The following NECTIN4 variants were observed in gnomAD, a reference collection of about 807,000 sequenced individuals.
NECTIN4 encodes the protein nectin-4.
A neutral mutation model predicts 51.7 loss-of-function variants in NECTIN4; 19 were observed. That is an observed-to-expected ratio of 0.37 (90% CI 0.26 to 0.54). The LOEUF is 0.54. NECTIN4 is among the 20% of genes least tolerant of loss of function. NECTIN4 has a pLI of 0.86. For synonymous variants in NECTIN4, 283 were observed against 286.9 expected, an observed-to-expected ratio of 0.99 and a Z score of 0.14; for missense variants, 619 against 662.4, an observed-to-expected ratio of 0.93 and a Z score of 0.72.
intron 3 of NECTIN4, 140 bp from the exon 4 acceptor site, chr1:161,076,615 C>G: frequency 8.6e-7 from 1 of 1,160,204 alleles, no homozygotes; most frequent in Non-Finnish European, 1.3e-6. Flanking sequence ...GCTGCCAAAC[C>G]TAGCTCAGCC....
At chr1:161,077,306 C>T in intron 3 of NECTIN4, 147 bp downstream of exon 3, 1 of 864,120 alleles carries the variant, frequency 1.2e-6, no homozygotes, top group Non-Finnish European at 2.0e-6. Context: ...TCCAGGTCTT[C>T]CACATTTGGA....
At chr1:161,088,507 G>A (rs938424671) in intron 1 of NECTIN4, among the ~76,000 whole-genome samples, 1 of 152,004 alleles carries the variant, frequency 6.6e-6, no homozygotes, top group African/African-American at 2.4e-5. Context: ...AGAAAATGGG[G>A]GAACAGGAGA....
chr1:161,079,517 T>A (rs1653567385), intron 2 of NECTIN4, 73 bp downstream of exon 2: 1 of 1,572,136 alleles, frequency 6.4e-7, no homozygotes, highest in Admixed American at 1.7e-5. Context: ...GCCCCATCCA[T>A]CTCTGCAGTC....
rs746014173 is a variant in NECTIN4, at chr1:161,079,630, G to A, written c.399C>T (p.Pro133=). ...GCAGCCGCGCCTGGAAGCTGCCGGCGGGGAAGGTGCTGACCCGGCACTCGT... is the reference window on the plus strand; with the variant it reads ...GCAGCCGCGCCTGGAAGCTGCCGGCAGGGAAGGTGCTGACCCGGCACTCGT... ...GEYECRVSTF[P]AGSFQARLRL... The change falls in exon 2 of 9, where the codon CCC becomes CCT. Residue 133 remains proline, a synonymous_variant. Coordinates refer to ENST00000368012, the MANE Select transcript of NECTIN4 (RefSeq NM_030916.3). 7 of 1,605,302 alleles carry A rather than the reference G, an allele frequency of 4.4e-6. No individual in the cohort carries two copies. Among genetic ancestry groups the A allele is most frequent in the Middle Eastern group, 1.7e-4 (1 of 6,060 alleles).
In NECTIN4 at chr1:161,079,718, G is replaced by T. The variant is rs769456475; in HGVS notation, c.311C>A (p.Pro104Gln). 6 of 1,609,028 alleles carry T rather than the reference G, an allele frequency of 3.7e-6. No homozygotes were observed. Among genetic ancestry groups the T allele is most frequent in the Admixed American group, 3.3e-5 (2 of 59,980 alleles). ...CACTGAGCCGTCCAGGGGGTTGCGT[G>T]GGGGCGGCGGCTGCTCCACGCGGCC... ...YEGRVEQPPP[P>Q]RNPLDGSVLL... The change falls in exon 2 of 9, where the codon CCA (proline) becomes CAA (glutamine). Residue 104 changes from proline (P) to glutamine (Q), a missense_variant. Coordinates refer to ENST00000368012, the MANE Select transcript of NECTIN4 (RefSeq NM_030916.3).
At chr1:161,073,409 C>T (rs572295869) in intron 7 of NECTIN4, 110 bp from the exon 8 acceptor site, 1 of 881,712 alleles carries the variant, frequency 1.1e-6, no homozygotes, top group Non-Finnish European at 1.8e-6. Flanking sequence ...TCCCCCAACC[C>T]AACAGGTCCA....
At chr1:161,075,134 G>A (rs981211906) in intron 4 of NECTIN4, among the ~76,000 whole-genome samples, 9 of 152,328 alleles carry the variant, frequency 5.9e-5, no homozygotes, top group East Asian at 5.8e-4. Flanking sequence ...TCCAACACCC[G>A]TGATGTTGCA....
At chr1:161,086,828 G>A (rs10159127) in intron 1 of NECTIN4, 31,122 of 152,296 alleles carry the variant, frequency 0.2, 3,657 homozygotes, top group South Asian at 0.3. Flanking sequence ...GTAGGGCCAG[G>A]AAGGCCTGGG....
At chr1:161,078,094 A>G (rs182300396) in intron 2 of NECTIN4, among the ~76,000 whole-genome samples, 7 of 152,150 alleles carry the variant, frequency 4.6e-5, no homozygotes, top group African/African-American at 1.4e-4. Context: ...TCTGTCAACA[A>G]ACAGTGAGTT....
chr1:161,079,467 A>C, intron 2 of NECTIN4, 123 bp downstream of exon 2: 1 of 1,326,784 alleles, frequency 7.5e-7, no homozygotes, highest in South Asian at 1.3e-5. Flanking sequence ...AAGCTCCCTC[A>C]CCTGAACATG....
intron 1 of NECTIN4, among the ~76,000 whole-genome samples, chr1:161,081,817 C>G (rs1384663869): frequency 6.6e-6 from 1 of 151,214 alleles, no homozygotes; most frequent in Non-Finnish European, 1.5e-5. Context: ...CACCCCCACC[C>G]CAGGCAGCAT....
At chr1:161,084,868 G>C (rs1286534875) in intron 1 of NECTIN4, 2 of 151,954 alleles carry the variant, frequency 1.3e-5, no homozygotes, top group African/African-American at 2.4e-5. Flanking sequence ...CCTGGGGCTA[G>C]GGGGAGGGGT....
rs531538559 is a variant in NECTIN4 at position 161,089,478 on chromosome 1, G to A, written c.-182C>T. ...CCGGCCCCGTTCTACACACCCAGCC[G>A]TAGCTACCCCCAAGAAGCCGTGATC... On this transcript the variant is annotated 5_prime_UTR_variant, in exon 1 of 9. In the 5' UTR this introduces an upstream ATG that the reference lacks. Coordinates refer to ENST00000368012, the MANE Select transcript of NECTIN4 (RefSeq NM_030916.3). This position sits in a 1 kb window ranked among gnomAD's most constrained non-coding sequence, Gnocchi z 4.1. 5.1e-4 allele frequency: 322 copies of A among 631,868 alleles called. No individual in the cohort carries two copies. The highest frequency in any genetic ancestry group is 7.6e-4 in the Non-Finnish European group (268 of 351,068). 39.1% of individuals were successfully genotyped at this position (631,868 alleles called of 1,614,324 possible).
chr1:161,088,755 A>C (rs1654057372), intron 1 of NECTIN4, among the ~76,000 whole-genome samples: 1 of 152,174 alleles, frequency 6.6e-6, no homozygotes, highest in African/African-American at 2.4e-5. Flanking sequence ...TCTGGGCATC[A>C]GGCTTCCTGC....
At chr1:161,081,407 A>T (rs535582196) in intron 1 of NECTIN4, among the ~76,000 whole-genome samples, 1 of 152,266 alleles carries the variant, frequency 6.6e-6, no homozygotes, top group South Asian at 2.1e-4. Flanking sequence ...GTCACTGACC[A>T]GAAAGAGAGA....
intron 1 of NECTIN4, among the ~76,000 whole-genome samples, chr1:161,082,732 C>T (rs973395244): frequency 1.3e-5 from 2 of 152,070 alleles, no homozygotes; most frequent in African/African-American, 2.4e-5. Flanking sequence ...AGCTAACCAC[C>T]CGCACCCCTC....
In NECTIN4 at chr1:161,079,845, C is replaced by T; in HGVS notation, c.184G>A (p.Val62Met). The T allele has an allele frequency of 6.2e-7, 1 of 1,613,930 alleles. No individual in the cohort carries two copies. Among genetic ancestry groups the T allele is most frequent in the Non-Finnish European group, 8.5e-7 (1 of 1,180,018 alleles). The change falls in exon 2 of 9, where the codon GTG becomes ATG. Residue 62 changes from valine (V) to methionine (M), a missense_variant. This residue lies in a region of NECTIN4 where 218 missense variants were observed against 186.3 expected (regional missense o/e 1.17). Coordinates refer to ENST00000368012, the MANE Select transcript of NECTIN4 (RefSeq NM_030916.3). ...CFYRGDSGEQ[V>M]GQVAWARVDA... is the part of the protein sequence containing the mutation. Reference sequence around the variant, plus strand: ...ACCCGAGCCCATGCCACTTGCCCCACTTGCTCGCCGGAGTCCCCTCGGTAG... The same window carrying T: ...ACCCGAGCCCATGCCACTTGCCCCATTTGCTCGCCGGAGTCCCCTCGGTAG...
intron 4 of NECTIN4, among the ~76,000 whole-genome samples, chr1:161,075,448 C>T (rs915585989): frequency 1.3e-5 from 2 of 152,272 alleles, no homozygotes; most frequent in South Asian, 2.1e-4. Context: ...ATATTAATAT[C>T]GAAATATTGT....
rs1168740590 is a variant in NECTIN4, at chr1:161,073,829, G to A, written c.1158-34C>T. On this transcript the variant is annotated intron_variant, in intron 6 of 8. Coordinates refer to ENST00000368012, the MANE Select transcript of NECTIN4 (RefSeq NM_030916.3). Reference sequence around the variant, plus strand: ...GACACACCCTTGTCAGGAGCTGAGGGTAGTGGCAGCCTCCCAAGGTGAGCC... The same window carrying A: ...GACACACCCTTGTCAGGAGCTGAGGATAGTGGCAGCCTCCCAAGGTGAGCC... 6 of 1,590,862 alleles carry A rather than the reference G, an allele frequency of 3.8e-6. 1 individual carries two copies. In the Admixed American group the frequency reaches 1.0e-4, roughly 27 times the overall value.
Sources: allele counts gnomAD v4.1 joint callset (sites outside exome capture counted in the v4.1 genomes callset), GRCh38; gene constraint gnomAD v4.1.1; regional missense constraint gnomAD v4.1.1; non-coding constraint Gnocchi (gnomAD v3.1); transcripts MANE v1.5; gene names NCBI Gene and HGNC (gene_info 2026-07-23, HGNC 2026-07-21).